Variants in MGMT observed in about 807,000 individuals in gnomAD.
MGMT encodes the protein methylated-DNA--protein-cysteine methyltransferase.
MGMT carries 14 observed loss-of-function variants against 15.9 expected under a neutral mutation model. That is an observed-to-expected ratio of 0.88 (90% CI 0.58 to 1.37). The LOEUF is 1.37. Among genes scored for constraint, MGMT ranks in the 40% most tolerant of loss-of-function variants. MGMT has a pLI of 0.00. For missense variants in MGMT, 282 were observed against 268.1 expected (o/e 1.05, Z -0.36); for synonymous variants, 130 against 118.2 (o/e 1.10, Z -0.65).
chr10:129,764,952 C>A (rs933831552), intron 4 of MGMT, among the ~76,000 whole-genome samples: 1 of 152,126 alleles, frequency 6.6e-6, no homozygotes, highest in Non-Finnish European at 1.5e-5. Flanking sequence ...AGGCAGTAAG[C>A]GATCGTTAGG....
chr10:129,701,736 C>G (rs1848101537), intron 2 of MGMT: 1 of 152,170 alleles, frequency 6.6e-6, no homozygotes, highest in Admixed American at 6.5e-5. Context: ...TTCCTCTACC[C>G]TTTGTCTGTG....
chr10:129,731,512 C>T (rs1276285046), intron 3 of MGMT, among the ~76,000 whole-genome samples: 1 of 151,900 alleles, frequency 6.6e-6, no homozygotes, highest in Non-Finnish European at 1.5e-5. Context: ...CCGGCTGCCT[C>T]CTCAAGCAGT....
intron 2 of MGMT, among the ~76,000 whole-genome samples, chr10:129,555,577 T>C (rs1455844958): frequency 6.6e-6 from 1 of 151,734 alleles, no homozygotes; most frequent in Non-Finnish European, 1.5e-5. Context: ...TATCCAGGCC[T>C]GGTGGAAGGC....
At chr10:129,518,093 C>T (rs1845759142) in intron 1 of MGMT, among the ~76,000 whole-genome samples, 2 of 151,906 alleles carry the variant, frequency 1.3e-5, no homozygotes, top group Admixed American at 1.3e-4. Context: ...GATGGCTGCA[C>T]CGGGCACCAC....
chr10:129,575,602 C>T (rs1487832932), intron 2 of MGMT, among the ~76,000 whole-genome samples: 3 of 147,968 alleles, frequency 2.0e-5, no homozygotes, highest in Non-Finnish European at 4.5e-5. Context: ...AAAATTGACA[C>T]CCTAACATCA....
chr10:129,680,528 G>A (rs1044537020), intron 2 of MGMT, among the ~76,000 whole-genome samples: 2 of 138,766 alleles, frequency 1.4e-5, no homozygotes, highest in African/African-American at 4.9e-5. Context: ...GCTCTCCCCC[G>A]GATCTGAAAC....
intron 2 of MGMT, among the ~76,000 whole-genome samples, chr10:129,609,660 A>T (rs150816441): frequency 2.6e-5 from 4 of 152,322 alleles, no homozygotes; most frequent in African/African-American, 9.6e-5. Context: ...TGATACTTCC[A>T]TTCGGGAGCA....
At chr10:129,486,722 AC>A (rs1845413173) in intron 1 of MGMT, among the ~76,000 whole-genome samples, 1 of 152,206 alleles carries the variant, frequency 6.6e-6, no homozygotes, top group South Asian at 2.1e-4. Flanking sequence ...GGCAGAGGAA[AC>A]AAAGGGCGTC....
intron 1 of MGMT, among the ~76,000 whole-genome samples, chr10:129,507,832 G>T (rs1214591914): frequency 6.6e-6 from 1 of 152,194 alleles, no homozygotes; most frequent in Non-Finnish European, 1.5e-5. Flanking sequence ...AAATAAATAT[G>T]GATCTGCTTT....
At chr10:129,652,190 G>A (rs1424840989) in intron 2 of MGMT, among the ~76,000 whole-genome samples, 3 of 152,184 alleles carry the variant, frequency 2.0e-5, no homozygotes, top group African/African-American at 7.2e-5. Flanking sequence ...GGCTTGCCCT[G>A]TGCTTCCCCG....
chr10:129,737,500 T>C (rs552126775), intron 3 of MGMT, among the ~76,000 whole-genome samples: 1,717 of 152,306 alleles, frequency 0.011, 28 homozygotes, highest in African/African-American at 0.037. Context: ...TTGGTTTGAA[T>C]GTCCTCCCGT....
intron 3 of MGMT, among the ~76,000 whole-genome samples, chr10:129,728,094 C>G (rs1848453494): frequency 6.6e-6 from 1 of 152,064 alleles, no homozygotes; most frequent in Admixed American, 6.5e-5. Flanking sequence ...TTGAACAGGA[C>G]TCATTGGACT....
At chr10:129,682,485 A>C (rs927457219) in intron 2 of MGMT, among the ~76,000 whole-genome samples, 1 of 151,984 alleles carries the variant, frequency 6.6e-6, no homozygotes, top group Non-Finnish European at 1.5e-5. Context: ...CTGGGGACAG[A>C]TGACTTCGTA....
rs1845947676 is a variant in MGMT at position 129,532,870 on chromosome 10, TG to T, written c.-12-3367del. Among the ~76,000 whole-genome samples the T allele has an allele frequency of 6.6e-6, 1 of 152,144 alleles. No individual in the cohort carries two copies. Among genetic ancestry groups the T allele is most frequent in the African/African-American group, 2.4e-5 (1 of 41,446 alleles). ...AGCTAGTGTCTGACCAGCCCCCACA[TG>T]GGGCACTCCCCAGTCCGAATGTCTG... is the stretch of plus-strand genomic sequence containing the variant. On this transcript the variant is annotated intron_variant, in intron 1 of 4. Coordinates refer to ENST00000651593, the MANE Select transcript of MGMT (RefSeq NM_002412.5). The surrounding 1 kb of genome is among the most constrained non-coding windows in gnomAD (Gnocchi z 5.3).
At chr10:129,548,270 A>G (rs1323189995) in intron 2 of MGMT, among the ~76,000 whole-genome samples, 1 of 152,176 alleles carries the variant, frequency 6.6e-6, no homozygotes, top group African/African-American at 2.4e-5. Context: ...TTTCTGTCCT[A>G]TTTCTTTAAT....
chr10:129,679,841 C>T (rs1437542641), intron 2 of MGMT, among the ~76,000 whole-genome samples: 1 of 152,160 alleles, frequency 6.6e-6, no homozygotes, highest in East Asian at 1.9e-4. Context: ...TACCAGACAA[C>T]ACATCATTTT....
At chr10:129,588,574 G>A (rs1026688046) in intron 2 of MGMT, among the ~76,000 whole-genome samples, 1 of 152,082 alleles carries the variant, frequency 6.6e-6, no homozygotes, top group Non-Finnish European at 1.5e-5. Flanking sequence ...ACTGTGGCTC[G>A]GTGTGGCCAA....
At chr10:129,735,471 C>A (rs902468234) in intron 3 of MGMT, among the ~76,000 whole-genome samples, 5 of 152,090 alleles carry the variant, frequency 3.3e-5, no homozygotes, top group African/African-American at 1.2e-4. Context: ...ATTAGTCTTG[C>A]TAGCGGTCTA....
chr10:129,627,230 CTG>C (rs1356509901), intron 2 of MGMT, among the ~76,000 whole-genome samples: 15 of 152,282 alleles, frequency 9.9e-5, no homozygotes, highest in African/African-American at 3.6e-4. Flanking sequence ...TATCCAGTTA[CTG>C]TTTTTCTCAC....
Sources: gnomAD v4.1 joint callset for allele counts (sites outside exome capture counted in the v4.1 genomes callset) on GRCh38, gnomAD v4.1.1 for gene constraint, Gnocchi (gnomAD v3.1) non-coding constraint, MANE v1.5 for transcripts, NCBI Gene and HGNC (gene_info 2026-07-23, HGNC 2026-07-21) for gene names.